The following GRHL2 variants were observed in gnomAD, a reference collection of about 807,000 sequenced individuals.
GRHL2 encodes grainyhead like transcription factor 2.
In GRHL2, 21 loss-of-function variants were observed where a neutral mutation model predicts 83.8. The ratio of observed to expected loss-of-function variants is 0.25; its 90% CI spans 0.18 to 0.36. The LOEUF (loss-of-function observed/expected upper bound fraction) is 0.36. Among genes scored for constraint, GRHL2 ranks in the 10% least tolerant of loss-of-function variants. The pLI, the probability that GRHL2 is intolerant of heterozygous loss-of-function variation, is 1.00. For missense variants in GRHL2, 623 were observed against 781.8 expected (o/e 0.80, Z 2.42); for synonymous variants, 280 against 278.9 (o/e 1.00, Z -0.04).
intron 6 of GRHL2, among the ~76,000 whole-genome samples, chr8:101,574,497 G>A (rs1811893412): frequency 6.6e-6 from 1 of 152,228 alleles, no homozygotes; most frequent in East Asian, 1.9e-4. Context: ...AGAGGTGGAA[G>A]GACTTTCCTG....
rs187818894 is a variant in GRHL2 at position 101,669,524 on chromosome 8, C to G, written c.*2821C>G. On this transcript the variant is annotated 3_prime_UTR_variant, in exon 16 of 16. Coordinates refer to ENST00000646743, the MANE Select transcript of GRHL2 (RefSeq NM_024915.4). Reference sequence around the variant, plus strand: ...AGAAATAGAGGGTTTGTGCCAAATGCTATGAACGGCCCTTTCTTAAAGACA... The same window carrying G: ...AGAAATAGAGGGTTTGTGCCAAATGGTATGAACGGCCCTTTCTTAAAGACA... 29 of 152,030 alleles carry G rather than the reference C, an allele frequency of 1.9e-4. No homozygotes were observed. Among genetic ancestry groups the G allele is most frequent in the African/African-American group, 6.8e-4 (28 of 41,346 alleles). 9.4% of individuals were successfully genotyped at this position (152,030 alleles called of 1,614,324 possible).
chr8:101,636,754 C>CACACAG (rs1813295386), intron 11 of GRHL2, 143 bp from the exon 12 acceptor site: 1 of 733,566 alleles, frequency 1.4e-6, no homozygotes, highest in African/African-American at 1.7e-5. Context: ...CACACACACA[C>CACACAG]ACACACACAC....
At chr8:101,636,610 C>T (rs1184106126) in intron 11 of GRHL2, among the ~76,000 whole-genome samples, 1 of 152,152 alleles carries the variant, frequency 6.6e-6, no homozygotes, top group Non-Finnish European at 1.5e-5. Context: ...CATAGTTAAT[C>T]TAATCAGACT....
chr8:101,652,705 G>T (rs538953459), intron 14 of GRHL2, among the ~76,000 whole-genome samples: 1 of 151,832 alleles, frequency 6.6e-6, no homozygotes, highest in Non-Finnish European at 1.5e-5. Flanking sequence ...TTCTGGCTGT[G>T]CCTCTTGCTA....
At chr8:101,554,748 A>C (rs1811457185) in intron 3 of GRHL2, among the ~76,000 whole-genome samples, 1 of 152,222 alleles carries the variant, frequency 6.6e-6, no homozygotes, top group African/African-American at 2.4e-5. Context: ...ATTTTCTAAA[A>C]AGTATGTTTA....
chr8:101,573,186 A>G (rs1280383618), intron 5 of GRHL2, among the ~76,000 whole-genome samples: 2 of 149,738 alleles, frequency 1.3e-5, no homozygotes, highest in South Asian at 2.1e-4. Context: ...TTGGATTTTC[A>G]TGTTTTGAGA....
At chr8:101,595,964 C>CA (rs1264806680) in intron 7 of GRHL2, among the ~76,000 whole-genome samples, 16 of 151,622 alleles carry the variant, frequency 1.1e-4, no homozygotes, top group African/African-American at 3.1e-4. Flanking sequence ...ACTAAAAATA[C>CA]AAAAAATTAG....
At chr8:101,601,152 T>C (rs1344842509) in intron 8 of GRHL2, among the ~76,000 whole-genome samples, 1 of 113,476 alleles carries the variant, frequency 8.8e-6, no homozygotes, top group East Asian at 2.1e-4. Flanking sequence ...AGTATGAGAC[T>C]GTCTTAAACA....
chr8:101,676,899 A>C, the GRHL2 span, among the ~76,000 whole-genome samples: 1 of 152,164 alleles, frequency 6.6e-6, no homozygotes, highest in Non-Finnish European at 1.5e-5. Context: ...TGATGAGTTC[A>C]TGTCCTTTGT....
chr8:101,676,212 G>A, the GRHL2 span, among the ~76,000 whole-genome samples: 1 of 151,902 alleles, frequency 6.6e-6, no homozygotes, highest in Admixed American at 6.6e-5. Context: ...TGACAAATGG[G>A]ATCTAATGAA....
At chr8:101,555,004 A>T (rs1811461776) in intron 3 of GRHL2, among the ~76,000 whole-genome samples, 1 of 152,214 alleles carries the variant, frequency 6.6e-6, no homozygotes, top group Non-Finnish European at 1.5e-5. Flanking sequence ...ATTCAACTAG[A>T]TTTATACAAT....
chr8:101,604,588 T>A (rs188998983), intron 8 of GRHL2, among the ~76,000 whole-genome samples: 2 of 152,186 alleles, frequency 1.3e-5, no homozygotes, highest in Non-Finnish European at 2.9e-5. Context: ...CAGGAACACT[T>A]TTCCTTTTTG....
At chr8:101,613,585 ATCTT>A (rs1464644301) in intron 8 of GRHL2, among the ~76,000 whole-genome samples, 2 of 151,086 alleles carry the variant, frequency 1.3e-5, no homozygotes, top group Non-Finnish European at 2.9e-5. Context: ...CTTTTAGTCT[ATCTT>A]CCGTCTCAAT....
chr8:101,612,520 G>GATAGATACATACATAC (rs371662487), intron 8 of GRHL2, among the ~76,000 whole-genome samples: 1,835 of 123,704 alleles, frequency 0.015, 27 homozygotes, highest in Middle Eastern at 0.019. Context: ...TAGATAGATA[G>GATAGATACATACATAC]ATACATACAT....
chr8:101,589,777 T>A (rs541390105), intron 7 of GRHL2, among the ~76,000 whole-genome samples: 1 of 152,208 alleles, frequency 6.6e-6, no homozygotes, highest in Non-Finnish European at 1.5e-5. Flanking sequence ...TTTAATGATA[T>A]ATTAATAGAC....
chr8:101,667,080 TTCCCA>T lies in GRHL2; in HGVS notation c.*382_*386del. On this transcript the variant is annotated 3_prime_UTR_variant, in exon 16 of 16. Coordinates refer to ENST00000646743, the MANE Select transcript of GRHL2 (RefSeq NM_024915.4). ...CACTCATCCCGAACAGCCTAAAAAATTCCCATCCCTTCTCTCTCACCCCTCCATAT... is the reference window on the plus strand; with the variant it reads ...CACTCATCCCGAACAGCCTAAAAAATTCCCTTCTCTCTCACCCCTCCATAT... 3.2e-6 allele frequency: 1 copy of T among 316,460 alleles called. No individual in the cohort carries two copies. Among genetic ancestry groups the T allele is most frequent in the Non-Finnish European group, 6.1e-6 (1 of 163,464 alleles). 19.6% of individuals were successfully genotyped at this position (316,460 alleles called of 1,614,324 possible).
chr8:101,658,498 C>G (rs1365764595), intron 14 of GRHL2, among the ~76,000 whole-genome samples: 1 of 152,220 alleles, frequency 6.6e-6, no homozygotes, highest in African/African-American at 2.4e-5. Flanking sequence ...AGATGCAAAG[C>G]TCCACATGCC....
intron 2 of GRHL2, among the ~76,000 whole-genome samples, chr8:101,551,715 T>C: frequency 6.7e-6 from 1 of 149,106 alleles, no homozygotes; most frequent in East Asian, 1.9e-4. Flanking sequence ...TTGAAAACAA[T>C]GGCAGAGTAA....
At chr8:101,644,653 G>T (rs544596876) in intron 13 of GRHL2, among the ~76,000 whole-genome samples, 1 of 152,160 alleles carries the variant, frequency 6.6e-6, no homozygotes, top group African/African-American at 2.4e-5. Context: ...CCCAGTCAAA[G>T]GTCTTATTCT....
Sources: allele counts gnomAD v4.1 joint callset (sites outside exome capture counted in the v4.1 genomes callset), GRCh38; gene constraint gnomAD v4.1.1; transcripts MANE v1.5; gene names NCBI Gene and HGNC (gene_info 2026-07-23, HGNC 2026-07-21).